EHMT1: variants seen among roughly 807,000 people sequenced by gnomAD.
The protein encoded by EHMT1 is euchromatic histone lysine methyltransferase 1, also known as histone-lysine N-methyltransferase EHMT1.
Under a neutral mutation model 147.2 loss-of-function variants are expected in EHMT1, and 15 were observed. The observed-to-expected ratio is 0.10, with a 90% CI of 0.07 to 0.16. The LOEUF (loss-of-function observed/expected upper bound fraction) is 0.16. EHMT1 is among the 10% of genes least tolerant of loss of function. EHMT1 has a pLI of 1.00. For missense variants in EHMT1, 1,587 were observed against 1,772.4 expected (o/e 0.90, Z 1.88); for synonymous variants, 795 against 709.6 (o/e 1.12, Z -1.91).
chr9:137,776,514 C>T lies in EHMT1; in HGVS notation c.1792-104C>T, dbSNP rs984322193. 2.9e-5 allele frequency: 34 copies of T among 1,191,222 alleles called. No individual in the cohort carries two copies. The Admixed American group carries it at 5.7e-4, about 20-fold the overall frequency. The allele number at this position is 1,191,222 out of a possible 1,614,324, so 73.8% of individuals were successfully genotyped here. A position where few individuals can be genotyped will look rare whatever the true frequency, so the allele number is the denominator to read the frequency against. ...CCACCCCGACCCATGGCTCACTCTG[C>T]AGACCGCCCGATGTGGGATGCGGTG... On this transcript the variant is annotated intron_variant, in intron 11 of 26. Transcript: ENST00000460843. The surrounding 1 kb of genome is among the most constrained non-coding windows in gnomAD (Gnocchi z 4.4).
intron 1 of EHMT1, chr9:137,667,005 C>G (rs1589168166): frequency 6.6e-6 from 1 of 152,292 alleles, no homozygotes; most frequent in Non-Finnish European, 1.5e-5. Flanking sequence ...GGCTTCTCTC[C>G]TAGCTCTGAG....
At chr9:137,665,388 G>A (rs1464002589) in intron 1 of EHMT1, among the ~76,000 whole-genome samples, 1 of 152,164 alleles carries the variant, frequency 6.6e-6, no homozygotes, top group South Asian at 2.1e-4. Context: ...AACCTGCGTC[G>A]TGCAGGTGCG....
chr9:137,651,449 G>A (rs1937804550), intron 1 of EHMT1, among the ~76,000 whole-genome samples: 1 of 152,154 alleles, frequency 6.6e-6, no homozygotes, highest in South Asian at 2.1e-4. Flanking sequence ...TGATGTCTCT[G>A]TCAGTGATGG....
At chr9:137,723,373 T>C (rs28532960) in intron 3 of EHMT1, among the ~76,000 whole-genome samples, 30 of 123,416 alleles carry the variant, frequency 2.4e-4, no homozygotes, top group African/African-American at 8.4e-4. Flanking sequence ...GGGGTGTGTC[T>C]GTGTCCGTGG....
chr9:137,729,630 C>T (rs950329979), intron 4 of EHMT1, among the ~76,000 whole-genome samples: 5 of 152,028 alleles, frequency 3.3e-5, no homozygotes, highest in Non-Finnish European at 5.9e-5. Flanking sequence ...TTCAGACCTC[C>T]AGCAAAGTTG....
intron 18 of EHMT1, chr9:137,802,316 G>A: frequency 5.0e-6 from 2 of 398,728 alleles, no homozygotes; most frequent in Non-Finnish European, 8.8e-6. Flanking sequence ...GGGAGGTGCT[G>A]CAGCCCTCAG....
At chr9:137,756,566 C>T (rs1390868157) in intron 8 of EHMT1, among the ~76,000 whole-genome samples, 1 of 152,104 alleles carries the variant, frequency 6.6e-6, no homozygotes, top group Non-Finnish European at 1.5e-5. Flanking sequence ...ACGTGTGAGC[C>T]CCCCGGGAGC....
intron 1 of EHMT1, among the ~76,000 whole-genome samples, chr9:137,657,797 C>T (rs1003632232): frequency 3.3e-5 from 5 of 151,894 alleles, no homozygotes; most frequent in African/African-American, 1.2e-4. Context: ...TTTCTACCCC[C>T]ACTCCCCACC....
chr9:137,804,264 G>A (rs1017389039), intron 18 of EHMT1, among the ~76,000 whole-genome samples: 6 of 152,156 alleles, frequency 3.9e-5, no homozygotes, highest in East Asian at 1.9e-4. Context: ...TGGTTCCTCC[G>A]CATCCTTCCC....
At chr9:137,738,621 G>A (rs370789926) in intron 4 of EHMT1, 3 of 150,902 alleles carry the variant, frequency 2.0e-5, no homozygotes, top group South Asian at 2.1e-4. Context: ...AACCACAGCA[G>A]CCAAAAGGGG....
chr9:137,760,792 A>G (rs953073660), intron 9 of EHMT1, among the ~76,000 whole-genome samples: 9 of 152,140 alleles, frequency 5.9e-5, no homozygotes, highest in East Asian at 1.9e-4. Flanking sequence ...GGCAGATCAC[A>G]AGGTCAGGAG....
chr9:137,826,466 C>T (rs1220336089), intron 25 of EHMT1, among the ~76,000 whole-genome samples: 1 of 152,222 alleles, frequency 6.6e-6, no homozygotes, highest in East Asian at 1.9e-4. Flanking sequence ...CCAGGTGGCC[C>T]TGGTTCCTGG....
intron 10 of EHMT1, among the ~76,000 whole-genome samples, chr9:137,772,212 A>C (rs1284772093): frequency 6.6e-6 from 1 of 152,160 alleles, no homozygotes; most frequent in Non-Finnish European, 1.5e-5. Flanking sequence ...ATATACCAGC[A>C]CACCTCTCCA....
Position 137,743,967 on chromosome 9 carries a change from TGAGGACGACTCAGAGGAGCTCGAG to T in EHMT1, c.1057_1080del (p.Ser353_Asp360del), listed in dbSNP as rs1948332377. 6.2e-7 allele frequency: 1 copy of T among 1,613,760 alleles called. No homozygotes were observed. Among genetic ancestry groups the T allele is most frequent in the African/African-American group, 1.3e-5 (1 of 74,928 alleles). ...GGGAGAGCCTGGAGATGGACTCGGA[TGAGGACGACTCAGAGGAGCTCGAG>T]GAGGACGACGGCCATGGTGCAGAGC... On this transcript the variant is annotated inframe_deletion, in exon 6 of 27. Coordinates refer to ENST00000460843, the MANE Select transcript of EHMT1 (RefSeq NM_024757.5).
chr9:137,714,460 C>T (rs1272264670), intron 2 of EHMT1, among the ~76,000 whole-genome samples: 1 of 151,510 alleles, frequency 6.6e-6, no homozygotes, highest in Non-Finnish European at 1.5e-5. Context: ...GCCAACCTTG[C>T]ATTTCTGGGG....
intron 1 of EHMT1, among the ~76,000 whole-genome samples, chr9:137,679,066 G>T (rs1203569058): frequency 6.6e-6 from 1 of 152,140 alleles, no homozygotes; most frequent in African/African-American, 2.4e-5. Flanking sequence ...TGATTCTCCT[G>T]CCTCAGCCTC....
rs139032842 is a variant in EHMT1 at position 137,642,529 on chromosome 9, G to A, written c.21+23480G>A. 4.8e-3 allele frequency among the ~76,000 whole-genome samples: 725 copies of A among 152,240 alleles called. 11 individuals carry two copies. Among genetic ancestry groups the A allele is most frequent in the African/African-American group, 0.016 (657 of 41,538 alleles). ...TGTATACCATTTTAATTCCCTTGCTGTTTATTTGACTGTATTTTTTATTTG... is the reference window on the plus strand; with the variant it reads ...TGTATACCATTTTAATTCCCTTGCTATTTATTTGACTGTATTTTTTATTTG... On this transcript the variant is annotated intron_variant, in intron 1 of 26. Transcript: ENST00000460843.
At chr9:137,706,161 G>A (rs1468251018) in intron 1 of EHMT1, among the ~76,000 whole-genome samples, 3 of 152,210 alleles carry the variant, frequency 2.0e-5, no homozygotes, top group Non-Finnish European at 4.4e-5. Context: ...GACCTGGCCT[G>A]GGGGTTGGCG....
rs768398355 is a variant in EHMT1 at position 137,717,126 on chromosome 9, G to A, written c.586G>A (p.Ala196Thr). The A allele has an allele frequency of 2.1e-5, 34 of 1,612,394 alleles. No individual in the cohort carries two copies. The highest frequency in any genetic ancestry group is 5.5e-5 in the South Asian group (5 of 91,090). The change falls in exon 3 of 27, where the codon GCC (alanine) becomes ACC (threonine). Residue 196 changes from alanine to threonine, a missense_variant. Physicochemically the swap from Ala to Thr is moderately conservative, Grantham distance 58. Coordinates refer to ENST00000460843, the MANE Select transcript of EHMT1 (RefSeq NM_024757.5). Reference protein sequence around the residue: ...TEDRKLPAPGADVKVHRARKT... With the variant: ...TEDRKLPAPGTDVKVHRARKT... ...GGACAGGAAGCTCCCGGCCCCTGGC[G>A]CCGACGTCAAGGTCCACAGGGCACG... is the stretch of plus-strand genomic sequence containing the variant.
Sources: gnomAD v4.1 joint callset for allele counts (sites outside exome capture counted in the v4.1 genomes callset) on GRCh38, gnomAD v4.1.1 for gene constraint, Gnocchi (gnomAD v3.1) non-coding constraint, MANE v1.5 for transcripts, NCBI Gene and HGNC (gene_info 2026-07-23, HGNC 2026-07-21) for gene names.